SH3PXD2A: variants seen among roughly 807,000 people sequenced by gnomAD.
SH3PXD2A encodes the protein SH3 and PX domain-containing protein 2A.
Under a neutral mutation model 115.2 loss-of-function variants are expected in SH3PXD2A, and 32 were observed. The observed-to-expected ratio is 0.28, with a 90% CI of 0.21 to 0.37. The LOEUF is 0.37. Ranked by LOEUF, SH3PXD2A falls within the 10% of genes least tolerant of loss-of-function variation. The probability of loss-of-function intolerance (pLI) is 1.00; values close to 1 mark genes in which losing one functional copy is unlikely to be tolerated. For missense variants in SH3PXD2A, 1,328 were observed against 1,498.7 expected, an observed-to-expected ratio of 0.89 and a Z score of 1.88; for synonymous variants, 610 against 629.1, an observed-to-expected ratio of 0.97 and a Z score of 0.45.
intron 2 of SH3PXD2A, among the ~76,000 whole-genome samples, chr10:103,785,675 G>A: frequency 6.6e-6 from 1 of 152,074 alleles, no homozygotes; most frequent in East Asian, 1.9e-4. Flanking sequence ...CCACTCTCGG[G>A]AAAGCTGCCT....
chr10:103,612,780 G>T, intron 12 of SH3PXD2A, 73 bp downstream of exon 12: 1 of 1,094,160 alleles, frequency 9.1e-7, no homozygotes, highest in Non-Finnish European at 1.3e-6. Flanking sequence ...GCACCCCCCT[G>T]GCTTTCACGG....
intron 2 of SH3PXD2A, among the ~76,000 whole-genome samples, chr10:103,767,810 G>GTTTTGTTT (rs1490820010): frequency 4.4e-5 from 3 of 67,736 alleles, no homozygotes; most frequent in African/African-American, 1.7e-4. Flanking sequence ...CAACTGTTTT[G>GTTTTGTTT]TTTTTTTTTT....
At chr10:103,694,807 C>G (rs1490591412) in intron 5 of SH3PXD2A, among the ~76,000 whole-genome samples, 1 of 152,138 alleles carries the variant, frequency 6.6e-6, no homozygotes, top group Non-Finnish European at 1.5e-5. Context: ...AAACCGTTGC[C>G]TTGGAAAGGG....
chr10:103,825,411 T>TA (rs1334072482), intron 1 of SH3PXD2A, among the ~76,000 whole-genome samples: 2 of 152,244 alleles, frequency 1.3e-5, no homozygotes, highest in Non-Finnish European at 2.9e-5. Context: ...ATTTAATTGA[T>TA]ACAGTTTCAA....
chr10:103,693,013 C>A lies in SH3PXD2A; in HGVS notation c.427+15G>T, dbSNP rs749370069. On this transcript the variant is annotated intron_variant, in intron 6 of 14. Transcript: ENST00000369774. Reference sequence around the variant, plus strand: ...GAAGGAAGGCTGAAGGGAAAACGCCCGGAGGCTCCCTTACCTGATTTCCTC... The same window carrying A: ...GAAGGAAGGCTGAAGGGAAAACGCCAGGAGGCTCCCTTACCTGATTTCCTC... 4.3e-6 allele frequency: 7 copies of A among 1,611,144 alleles called. No individual in the cohort carries two copies. The highest frequency in any genetic ancestry group is 3.3e-5 in the Admixed American group (2 of 59,938).
intron 2 of SH3PXD2A, among the ~76,000 whole-genome samples, chr10:103,768,164 C>A (rs1030638818): frequency 1.3e-5 from 2 of 152,176 alleles, no homozygotes; most frequent in Non-Finnish European, 2.9e-5. Flanking sequence ...AAAGTTCTTG[C>A]GCTCAGGGAG....
intron 11 of SH3PXD2A, among the ~76,000 whole-genome samples, chr10:103,613,442 G>A (rs2036461420): frequency 6.6e-6 from 1 of 152,234 alleles, no homozygotes; most frequent in Admixed American, 6.5e-5. Context: ...GGGCTCTCAT[G>A]TTCTGCAAAG....
At chr10:103,634,965 C>T (rs1312393068) in intron 8 of SH3PXD2A, among the ~76,000 whole-genome samples, 1 of 152,080 alleles carries the variant, frequency 6.6e-6, no homozygotes, top group Non-Finnish European at 1.5e-5. Flanking sequence ...ATCCACATGG[C>T]GGTGGTCGTT....
At chr10:103,673,816 G>A (rs1456350022) in intron 6 of SH3PXD2A, among the ~76,000 whole-genome samples, 5 of 152,192 alleles carry the variant, frequency 3.3e-5, no homozygotes, top group African/African-American at 1.2e-4. Flanking sequence ...AAAACTCCAC[G>A]GAGAATGAAA....
chr10:103,758,020 C>T (rs1008429274), intron 3 of SH3PXD2A, among the ~76,000 whole-genome samples: 1 of 152,248 alleles, frequency 6.6e-6, no homozygotes, highest in African/African-American at 2.4e-5. Context: ...GCACGCCACA[C>T]AGCGCTTTCC....
intron 8 of SH3PXD2A, among the ~76,000 whole-genome samples, chr10:103,638,889 G>A (rs1033485617): frequency 6.6e-6 from 1 of 152,222 alleles, no homozygotes; most frequent in Non-Finnish European, 1.5e-5. Flanking sequence ...TTCAGGGGGA[G>A]AGAGAGACCC....
chr10:103,735,705 C>T (rs2038371703), intron 4 of SH3PXD2A, 27 bp downstream of exon 4: 3 of 1,508,608 alleles, frequency 2.0e-6, no homozygotes, highest in South Asian at 1.1e-5. Context: ...CCCCGAGCCC[C>T]TCCCCCAGCC....
Position 103,613,007 on chromosome 10 carries a change from G to A in SH3PXD2A, c.1104C>T (p.Gly368=), listed in dbSNP as rs1352455373. Residue 368 remains glycine, a synonymous_variant, in exon 12 of 15, where the codon GGC becomes GGT. Transcript: ENST00000369774. ...CCTTCTTGGCAATGGGGGCCTCATGGCCCTCGCCTTCGGCTGGTGGAGTTT... is the reference window on the plus strand; with the variant it reads ...CCTTCTTGGCAATGGGGGCCTCATGACCCTCGCCTTCGGCTGGTGGAGTTT... ...DKETPPAEGE[G]HEAPIAKKEI... 3 of 1,614,256 alleles carry A rather than the reference G, an allele frequency of 1.9e-6. No individual in the cohort carries two copies. The East Asian group carries it at 6.7e-5, about 36-fold the overall frequency.
In SH3PXD2A at chr10:103,596,663, A is replaced by ACACACACACACACACACACACACT; in HGVS notation, c.*5152_*5153insAGTGTGTGTGTGTGTGTGTGTGTG. The ACACACACACACACACACACACACT allele has an allele frequency of 7.2e-5, 9 of 124,512 alleles. No homozygotes were observed. Among genetic ancestry groups the ACACACACACACACACACACACACT allele is most frequent in the Admixed American group, 6.4e-4 (8 of 12,484 alleles). The allele number at this position is 124,512 out of a possible 1,614,324, so 7.7% of individuals were successfully genotyped here. A position where few individuals can be genotyped will look rare whatever the true frequency, so the allele number is the denominator to read the frequency against. On this transcript the variant is annotated 3_prime_UTR_variant, in exon 15 of 15. Transcript: ENST00000369774. ...CACACACACACACACACACACACAC[A>ACACACACACACACACACACACACT]CTCTCTCTCTCTCTCTCTCTCTCAC... is the stretch of plus-strand genomic sequence containing the variant.
chr10:103,785,338 G>A (rs1031632845), intron 2 of SH3PXD2A, among the ~76,000 whole-genome samples: 1 of 152,176 alleles, frequency 6.6e-6, no homozygotes, highest in Non-Finnish European at 1.5e-5. Context: ...ACAGACAGAT[G>A]AGACCCGGGG....
chr10:103,769,449 C>CTTCTTTT (rs776929884), intron 2 of SH3PXD2A, among the ~76,000 whole-genome samples: 3 of 137,436 alleles, frequency 2.2e-5, no homozygotes, highest in Non-Finnish European at 3.2e-5. Flanking sequence ...TCTTCTTCTT[C>CTTCTTTT]TTTTTTTTTT....
intron 1 of SH3PXD2A, among the ~76,000 whole-genome samples, chr10:103,807,756 T>C (rs2030293535): frequency 6.6e-6 from 1 of 152,236 alleles, no homozygotes; most frequent in African/African-American, 2.4e-5. Flanking sequence ...TTCAAGACCC[T>C]CAGCTCTTTA....
rs566516868 is a variant in SH3PXD2A at position 103,632,541 on chromosome 10, T to C, written c.605-5339A>G. Among the ~76,000 whole-genome samples the C allele has an allele frequency of 8.2e-4, 125 of 152,302 alleles. 1 individual carries two copies. The highest frequency in any genetic ancestry group is 2.4e-4 in the Non-Finnish European group (16 of 68,016). On this transcript the variant is annotated intron_variant, in intron 8 of 14. Transcript: ENST00000369774. ...ACGCCAGGGTTCCTGGAGGTCTGCA[T>C]AGAGTCGGGGTGGGCGCCTCTGCTC...
intron 4 of SH3PXD2A, among the ~76,000 whole-genome samples, chr10:103,724,724 T>TCAAC (rs747257370): frequency 1.5e-3 from 226 of 150,732 alleles, no homozygotes; most frequent in Middle Eastern, 0.01. Context: ...AACCATCCAG[T>TCAAC]CAACCAACCA....
Sources: gnomAD v4.1 joint callset for allele counts (sites outside exome capture counted in the v4.1 genomes callset) on GRCh38, gnomAD v4.1.1 for gene constraint, MANE v1.5 for transcripts, NCBI Gene and HGNC (gene_info 2026-07-23, HGNC 2026-07-21) for gene names.